PKNOX2: variants seen among roughly 807,000 people sequenced by gnomAD.
PKNOX2 encodes homeobox protein PKNOX2.
Under a neutral mutation model 53.1 loss-of-function variants are expected in PKNOX2, and 14 were observed. That is an observed-to-expected ratio of 0.26 (90% CI 0.17 to 0.41). The LOEUF is 0.41. PKNOX2 is among the 10% of genes least tolerant of loss of function. The probability of loss-of-function intolerance (pLI) is 1.00; values close to 1 mark genes in which losing one functional copy is unlikely to be tolerated. For missense variants in PKNOX2, 496 were observed against 602.8 expected, an observed-to-expected ratio of 0.82 and a Z score of 1.85; for synonymous variants, 257 against 242.8, an observed-to-expected ratio of 1.06 and a Z score of -0.54.
chr11:125,297,242 T>C (rs1251066963), intron 2 of PKNOX2, among the ~76,000 whole-genome samples: 1 of 152,120 alleles, frequency 6.6e-6, no homozygotes, highest in African/African-American at 2.4e-5. Context: ...AAACTGAGAG[T>C]TCAGAATGGA....
chr11:125,388,682 C>G (rs762747588), intron 6 of PKNOX2, among the ~76,000 whole-genome samples: 1 of 152,070 alleles, frequency 6.6e-6, no homozygotes, highest in African/African-American at 2.4e-5. Context: ...CATTTGAACT[C>G]AAATCCTCCC....
At chr11:125,308,657 G>A (rs939562716) in intron 2 of PKNOX2, among the ~76,000 whole-genome samples, 4 of 147,602 alleles carry the variant, frequency 2.7e-5, no homozygotes, top group Non-Finnish European at 4.4e-5. Context: ...ACCAAGAGCT[G>A]GAAGGGGCCG....
intron 4 of PKNOX2, among the ~76,000 whole-genome samples, chr11:125,363,477 T>G (rs1952028852): frequency 6.6e-6 from 1 of 152,240 alleles, no homozygotes; most frequent in Admixed American, 6.5e-5. Context: ...CTCTGCTCTT[T>G]CCATTCTCTG....
chr11:125,370,486 G>A lies in PKNOX2; in HGVS notation c.227+2501G>A, dbSNP rs377064066. 1.2e-3 allele frequency among the ~76,000 whole-genome samples: 178 copies of A among 152,258 alleles called. No individual in the cohort carries two copies. Among genetic ancestry groups the A allele is most frequent in the Non-Finnish European group, 2.0e-3 (139 of 68,020 alleles). On this transcript the variant is annotated intron_variant, in intron 5 of 12. Transcript: ENST00000298282. This position sits in a 1 kb window ranked among gnomAD's most constrained non-coding sequence, Gnocchi z 4.1. ...CTCCTGGGCTTTATCTTCTCCCACC[G>A]GGCTAACCACCCGCAACCCTTGGTG...
At chr11:125,198,170 G>C (rs1937965599) in intron 1 of PKNOX2, among the ~76,000 whole-genome samples, 1 of 152,216 alleles carries the variant, frequency 6.6e-6, no homozygotes, top group African/African-American at 2.4e-5. Flanking sequence ...CCAGAAAAGA[G>C]AGCAGCAGAG....
At chr11:125,215,134 G>A (rs1463706876) in intron 1 of PKNOX2, among the ~76,000 whole-genome samples, 2 of 152,076 alleles carry the variant, frequency 1.3e-5, no homozygotes, top group Non-Finnish European at 2.9e-5. Flanking sequence ...CGTGTCTTCC[G>A]GAGCAGTTGG....
intron 4 of PKNOX2, among the ~76,000 whole-genome samples, chr11:125,366,471 C>T (rs1171718381): frequency 2.6e-5 from 4 of 152,202 alleles, no homozygotes; most frequent in Non-Finnish European, 5.9e-5. Context: ...CCAGGCTATT[C>T]TGGGCCCTAG....
intron 1 of PKNOX2, among the ~76,000 whole-genome samples, chr11:125,192,102 G>A (rs776507490): frequency 1.3e-5 from 2 of 152,132 alleles, no homozygotes; most frequent in Middle Eastern, 3.2e-3. Flanking sequence ...GGGGAATTGC[G>A]GCAGGGGGAG....
At chr11:125,339,107 C>T (rs1950558352) in intron 3 of PKNOX2, among the ~76,000 whole-genome samples, 1 of 152,172 alleles carries the variant, frequency 6.6e-6, no homozygotes, top group African/African-American at 2.4e-5. Flanking sequence ...AACCATAGCC[C>T]CTTTCCAAGG....
intron 3 of PKNOX2, among the ~76,000 whole-genome samples, chr11:125,347,212 T>G (rs1200090053): frequency 6.6e-6 from 1 of 152,082 alleles, no homozygotes. Flanking sequence ...GAGCTGGCCC[T>G]ACTTTCCCTA....
At chr11:125,392,319 G>A (rs568192913) in intron 6 of PKNOX2, among the ~76,000 whole-genome samples, 23 of 152,346 alleles carry the variant, frequency 1.5e-4, no homozygotes, top group African/African-American at 5.5e-4. Flanking sequence ...AACAGAGAGC[G>A]GGCTCGGACT....
chr11:125,202,722 G>A (rs564955741), intron 1 of PKNOX2, among the ~76,000 whole-genome samples: 6 of 151,912 alleles, frequency 3.9e-5, no homozygotes, highest in Non-Finnish European at 8.8e-5. Flanking sequence ...CTGTGGGTTG[G>A]GGGGGAGGGG....
At chr11:125,336,137 T>C (rs1226509778) in intron 3 of PKNOX2, among the ~76,000 whole-genome samples, 2 of 152,216 alleles carry the variant, frequency 1.3e-5, no homozygotes, top group Non-Finnish European at 2.9e-5. Context: ...TAATTATTTA[T>C]TTATTGTAGT....
chr11:125,186,710 A>C (rs115135485), intron 1 of PKNOX2, among the ~76,000 whole-genome samples: 1,734 of 152,282 alleles, frequency 0.011, 25 homozygotes, highest in African/African-American at 0.039. Context: ...AAAAGTTTTC[A>C]ATTTTGATGA....
At chr11:125,179,692 G>C (rs924438775) in intron 1 of PKNOX2, among the ~76,000 whole-genome samples, 2 of 152,090 alleles carry the variant, frequency 1.3e-5, no homozygotes, top group Non-Finnish European at 2.9e-5. Flanking sequence ...GGTAAACTGA[G>C]TCTGAGATTC....
intron 2 of PKNOX2, among the ~76,000 whole-genome samples, chr11:125,296,934 G>GTAA (rs1947700183): frequency 6.6e-6 from 1 of 152,172 alleles, no homozygotes; most frequent in South Asian, 2.1e-4. Flanking sequence ...GCGCTCAGCG[G>GTAA]TTTATTATCT....
At chr11:125,278,892 A>G (rs1174557535) in intron 2 of PKNOX2, among the ~76,000 whole-genome samples, 2 of 152,234 alleles carry the variant, frequency 1.3e-5, no homozygotes, top group Non-Finnish European at 2.9e-5. Context: ...TTCAGAACAG[A>G]GGCAGGCATA....
intron 2 of PKNOX2, among the ~76,000 whole-genome samples, chr11:125,273,758 A>G (rs1285473649): frequency 1.3e-5 from 2 of 152,218 alleles, no homozygotes; most frequent in African/African-American, 2.4e-5. Flanking sequence ...AGACCACGTC[A>G]GGGGGATCCT....
chr11:125,320,014 T>G (rs986188358), intron 2 of PKNOX2, among the ~76,000 whole-genome samples: 11 of 152,228 alleles, frequency 7.2e-5, no homozygotes, highest in Non-Finnish European at 1.5e-4. Flanking sequence ...GGTATGACCA[T>G]GTAATAGAGT....
Sources: allele counts gnomAD v4.1 joint callset (sites outside exome capture counted in the v4.1 genomes callset), GRCh38; gene constraint gnomAD v4.1.1; non-coding constraint Gnocchi (gnomAD v3.1); transcripts MANE v1.5; gene names NCBI Gene and HGNC (gene_info 2026-07-23, HGNC 2026-07-21).